Variants in ASIC2 observed in about 807,000 individuals in gnomAD.
ASIC2 encodes acid sensing ion channel subunit 2.
In ASIC2, 25 loss-of-function variants were observed where a neutral mutation model predicts 57.3. The observed-to-expected ratio is 0.44, with a 90% confidence interval of 0.32 to 0.61. The LOEUF is 0.61. Among genes scored for constraint, ASIC2 ranks in the 20% least tolerant of loss-of-function variants. The pLI is 0.06. For synonymous variants in ASIC2, 319 were observed against 307.5 expected (o/e 1.04, Z -0.39); for missense variants, 641 against 738.1 (o/e 0.87, Z 1.52).
chr17:33,058,581 ACTGCT>A (rs1176231540), intron 3 of ASIC2, among the ~76,000 whole-genome samples: 1 of 151,508 alleles, frequency 6.6e-6, no homozygotes, highest in African/African-American at 2.4e-5. Flanking sequence ...ATACAATTCT[ACTGCT>A]GGCAGGCCCT....
At chr17:33,054,748 A>G (rs538987828) in intron 3 of ASIC2, among the ~76,000 whole-genome samples, 1 of 152,318 alleles carries the variant, frequency 6.6e-6, no homozygotes, top group African/African-American at 2.4e-5. Context: ...CATCACTCAG[A>G]TATAAAAACT....
At chr17:33,149,966 T>G (rs1292150648) in intron 1 of ASIC2, among the ~76,000 whole-genome samples, 3 of 152,220 alleles carry the variant, frequency 2.0e-5, no homozygotes, top group African/African-American at 7.2e-5. Context: ...ATGAGGTTCA[T>G]AACAATGAAT....
At chr17:33,830,214 T>C (rs1913061575) in intron 1 of ASIC2, among the ~76,000 whole-genome samples, 1 of 152,240 alleles carries the variant, frequency 6.6e-6, no homozygotes, top group Admixed American at 6.5e-5. Flanking sequence ...TCCAGACTTA[T>C]AGATCTTCCA....
intron 1 of ASIC2, among the ~76,000 whole-genome samples, chr17:33,551,819 C>G (rs763055716): frequency 6.6e-6 from 1 of 152,164 alleles, no homozygotes; most frequent in African/African-American, 2.4e-5. Flanking sequence ...TCTGCAGGTG[C>G]GATGCCACTC....
At chr17:33,288,096 A>G (rs1440613146) in intron 1 of ASIC2, among the ~76,000 whole-genome samples, 1 of 152,094 alleles carries the variant, frequency 6.6e-6, no homozygotes, top group African/African-American at 2.4e-5. Context: ...AGTACATCAG[A>G]TATGATTCCT....
At chr17:33,547,799 T>G (rs1361944281) in intron 1 of ASIC2, among the ~76,000 whole-genome samples, 1 of 152,216 alleles carries the variant, frequency 6.6e-6, no homozygotes, top group African/African-American at 2.4e-5. Context: ...GCTAGAATGC[T>G]AGGAGACAGA....
At chr17:33,626,558 C>T (rs1301859824) in intron 1 of ASIC2, among the ~76,000 whole-genome samples, 1 of 152,086 alleles carries the variant, frequency 6.6e-6, no homozygotes, top group African/African-American at 2.4e-5. Context: ...TTCAATAGTC[C>T]AGCAGTGGTA....
intron 1 of ASIC2, among the ~76,000 whole-genome samples, chr17:34,114,568 C>A (rs1911373570): frequency 6.6e-6 from 1 of 152,184 alleles, no homozygotes; most frequent in African/African-American, 2.4e-5. Context: ...TCCACATCTG[C>A]AGAAAGGATT....
intron 1 of ASIC2, among the ~76,000 whole-genome samples, chr17:33,923,055 G>C (rs1056571912): frequency 2.0e-5 from 3 of 152,174 alleles, no homozygotes; most frequent in Non-Finnish European, 2.9e-5. Flanking sequence ...GATGACCACA[G>C]CAGCTTACCC....
intron 1 of ASIC2, chr17:34,039,032 CTT>C (rs1907998639): frequency 6.2e-6 from 10 of 1,614,050 alleles, no homozygotes; most frequent in South Asian, 1.1e-5. Flanking sequence ...GCCATCTTCT[CTT>C]GTTTTGACTT....
Position 33,828,493 on chromosome 17 carries a change from A to G in ASIC2, c.555+327485T>C, listed in dbSNP as rs74687159. 2.7e-4 allele frequency: 41 copies of G among 152,304 alleles called. No homozygotes were observed. In the East Asian group the frequency reaches 7.7e-3, roughly 29 times the overall value. The allele number at this position is 152,304 out of a possible 1,614,324, so 9.4% of individuals were successfully genotyped here. ...GTAACTTGTATGACCTAAATACACA[A>G]GAAAGAGGTAAGATTATGGCATGAA... On this transcript the variant is annotated intron_variant, in intron 1 of 9. Coordinates refer to the ASIC2 transcript ENST00000359872.
intron 1 of ASIC2, among the ~76,000 whole-genome samples, chr17:34,035,652 C>T (rs945899790): frequency 6.6e-6 from 1 of 152,142 alleles, no homozygotes; most frequent in African/African-American, 2.4e-5. Flanking sequence ...GGGCTAATAT[C>T]TAGAATCTAC....
At chr17:33,200,722 T>A (rs771719751) in intron 1 of ASIC2, among the ~76,000 whole-genome samples, 4 of 152,204 alleles carry the variant, frequency 2.6e-5, no homozygotes, top group Non-Finnish European at 4.4e-5. Context: ...TCTCCCTGTT[T>A]GCTTCCACCC....
chr17:34,051,818 AACACACACAC>A (rs35015333), intron 1 of ASIC2: 5 of 147,632 alleles, frequency 3.4e-5, no homozygotes, highest in Admixed American at 6.7e-5. Context: ...GAATTTTCTG[AACACACACAC>A]ACACACACAC....
intron 1 of ASIC2, among the ~76,000 whole-genome samples, chr17:33,614,560 T>TCA (rs746934474): frequency 6.6e-6 from 1 of 152,250 alleles, no homozygotes; most frequent in Non-Finnish European, 1.5e-5. Context: ...CTAGATGGTA[T>TCA]CATGTCTTGA....
intron 1 of ASIC2, among the ~76,000 whole-genome samples, chr17:33,279,813 C>A (rs1248790004): frequency 6.6e-6 from 1 of 152,142 alleles, no homozygotes; most frequent in Non-Finnish European, 1.5e-5. Flanking sequence ...ATCCTCATCA[C>A]CACTTTTTCT....
chr17:33,249,629 A>T (rs1033539471), intron 1 of ASIC2, among the ~76,000 whole-genome samples: 8 of 152,196 alleles, frequency 5.3e-5, no homozygotes, highest in African/African-American at 1.9e-4. Flanking sequence ...CTTCACGCCA[A>T]GACCGAAATC....
intron 1 of ASIC2, among the ~76,000 whole-genome samples, chr17:33,473,324 C>T (rs1461125394): frequency 6.6e-6 from 1 of 152,234 alleles, no homozygotes; most frequent in African/African-American, 2.4e-5. Flanking sequence ...GGTGGATAAA[C>T]ATCCCATCGG....
intron 1 of ASIC2, among the ~76,000 whole-genome samples, chr17:33,995,566 T>C (rs1262497822): frequency 6.6e-6 from 1 of 152,170 alleles, no homozygotes; most frequent in African/African-American, 2.4e-5. Flanking sequence ...AAAAATTGTA[T>C]ATATTCCCGG....
Sources: gnomAD v4.1 joint callset for allele counts (sites outside exome capture counted in the v4.1 genomes callset) on GRCh38, gnomAD v4.1.1 for gene constraint, MANE v1.5 for transcripts, NCBI Gene and HGNC (gene_info 2026-07-23, HGNC 2026-07-21) for gene names.